The following RUNX2 variants were observed in gnomAD, a reference collection of about 807,000 sequenced individuals.
RUNX2 encodes RUNX family transcription factor 2.
RUNX2 carries 10 observed loss-of-function variants against 51.7 expected under a neutral mutation model. The observed-to-expected ratio is 0.19, with a 90% CI of 0.12 to 0.33. RUNX2 has a LOEUF of 0.33. RUNX2 is among the 10% of genes least tolerant of loss of function. The pLI is 1.00. For synonymous variants in RUNX2, 276 were observed against 273.6 expected, an observed-to-expected ratio of 1.01 and a Z score of -0.09; for missense variants, 562 against 691.3, an observed-to-expected ratio of 0.81 and a Z score of 2.10.
intron 5 of RUNX2, among the ~76,000 whole-genome samples, chr6:45,474,373 A>ATGTGTG (rs56719456): frequency 2.5e-4 from 38 of 149,520 alleles, no homozygotes; most frequent in East Asian, 9.9e-4. Context: ...TGTTTTATAT[A>ATGTGTG]TGTGTGTGTG....
intron 2 of RUNX2, among the ~76,000 whole-genome samples, chr6:45,366,696 G>A (rs976279615): frequency 6.6e-6 from 1 of 152,064 alleles, no homozygotes; most frequent in Non-Finnish European, 1.5e-5. Context: ...TTCTTTATAA[G>A]TTGAGTTTTC....
chr6:45,444,494 A>G (rs138458464), intron 5 of RUNX2, among the ~76,000 whole-genome samples: 3 of 152,282 alleles, frequency 2.0e-5, no homozygotes, highest in East Asian at 3.9e-4. Flanking sequence ...GTGTAGCTTC[A>G]GTAAGGGTCT....
At position 45,531,369 on chromosome 6, in the gene RUNX2, C is replaced by T. The variant is rs532147844; in HGVS notation, c.1022-13848C>T. ...AAAGTAAAATGGACCAAATCCCTAACAAGAAATAATAGTGGAAAAATCTAC... is the reference window on the plus strand; with the variant it reads ...AAAGTAAAATGGACCAAATCCCTAATAAGAAATAATAGTGGAAAAATCTAC... On this transcript the variant is annotated intron_variant, in intron 7 of 8. Transcript: ENST00000647337. Among the ~76,000 whole-genome samples the T allele has an allele frequency of 4.6e-5, 7 of 152,252 alleles. No individual in the cohort carries two copies. In the South Asian group the frequency reaches 1.4e-3, roughly 32 times the overall value.
At chr6:45,413,926 C>A (rs992352894) in intron 2 of RUNX2, among the ~76,000 whole-genome samples, 3 of 151,938 alleles carry the variant, frequency 2.0e-5, no homozygotes, top group African/African-American at 7.3e-5. Flanking sequence ...GCCTTAGGGG[C>A]AAAACTTAAG....
chr6:45,328,405 T>A lies in RUNX2; in HGVS notation c.-122T>A, dbSNP rs1393578775. 1 of 1,418,280 alleles carries A rather than the reference T, an allele frequency of 7.1e-7. No individual in the cohort carries two copies. Among genetic ancestry groups the A allele is most frequent in the Admixed American group, 1.9e-5 (1 of 53,758 alleles). The allele number at this position is 1,418,280 out of a possible 1,614,324, so 87.9% of individuals were successfully genotyped here. On this transcript the variant is annotated 5_prime_UTR_variant, in exon 1 of 9. Transcript: ENST00000647337. ...CAGGAGGACAGCAAGAAGTCTCTGG[T>A]TTTTAAATGGTTAATCTCCGCAGGT... is the stretch of plus-strand genomic sequence containing the variant.
intron 5 of RUNX2, among the ~76,000 whole-genome samples, chr6:45,478,392 G>A (rs1209366822): frequency 6.6e-6 from 1 of 152,176 alleles, no homozygotes; most frequent in African/African-American, 2.4e-5. Flanking sequence ...ACATCCCTGT[G>A]TTGTAGATAC....
chr6:45,452,006 G>T (rs974201646), intron 5 of RUNX2, among the ~76,000 whole-genome samples: 4 of 152,194 alleles, frequency 2.6e-5, no homozygotes, highest in Non-Finnish European at 4.4e-5. Context: ...AAGAGAAACA[G>T]ATCTGCCATA....
At chr6:45,423,197 T>C (rs1463236607) in intron 3 of RUNX2, among the ~76,000 whole-genome samples, 1 of 152,078 alleles carries the variant, frequency 6.6e-6, no homozygotes, top group East Asian at 1.9e-4. Context: ...ACTTCAGCCC[T>C]AGTCCCCCTG....
intron 2 of RUNX2, among the ~76,000 whole-genome samples, chr6:45,335,889 A>G (rs1788447803): frequency 6.6e-6 from 1 of 151,336 alleles, no homozygotes; most frequent in African/African-American, 2.4e-5. Context: ...CAAAATGCAG[A>G]AAAACTTGCT....
At chr6:45,498,364 T>A (rs541470401) in intron 6 of RUNX2, among the ~76,000 whole-genome samples, 1 of 152,314 alleles carries the variant, frequency 6.6e-6, no homozygotes, top group East Asian at 1.9e-4. Context: ...AGTTCCTGAT[T>A]CTTAGCAAGC....
intron 7 of RUNX2, among the ~76,000 whole-genome samples, chr6:45,538,243 G>T (rs187376746): frequency 9.9e-5 from 15 of 152,208 alleles, no homozygotes; most frequent in Non-Finnish European, 1.8e-4. Flanking sequence ...GATTTACTTA[G>T]GAACAATTTA....
Position 45,488,937 on chromosome 6 carries a change from G to T in RUNX2, c.686-3004G>T, listed in dbSNP as rs190313647. 1.2e-3 allele frequency among the ~76,000 whole-genome samples: 182 copies of T among 152,292 alleles called. 3 individuals carry two copies. Among genetic ancestry groups the T allele is most frequent in the Non-Finnish European group, 2.2e-3 (151 of 68,030 alleles). On this transcript the variant is annotated intron_variant, in intron 5 of 8. Transcript: ENST00000647337. ...CATGTTCTTAATTTCTGAAGGAATT[G>T]CTTGGGTGCTGGGGATTTAAGTACA...
At chr6:45,330,818 T>C (rs1169498167) in intron 2 of RUNX2, among the ~76,000 whole-genome samples, 2 of 151,826 alleles carry the variant, frequency 1.3e-5, no homozygotes, top group Admixed American at 1.3e-4. Context: ...GAAGCCTGAA[T>C]AGAGAACTTA....
chr6:45,441,073 G>A (rs1206366202), intron 5 of RUNX2, among the ~76,000 whole-genome samples: 1 of 152,142 alleles, frequency 6.6e-6, no homozygotes, highest in African/African-American at 2.4e-5. Context: ...GTTGGGGCAG[G>A]GGGAGTGGAA....
At chr6:45,371,939 A>G (rs1457214657) in intron 2 of RUNX2, 1 of 787,114 alleles carries the variant, frequency 1.3e-6, no homozygotes, top group East Asian at 1.3e-4. Context: ...AGGACACACT[A>G]CTATTTAGTG....
chr6:45,550,612 G>C lies in RUNX2; in HGVS notation c.*3307G>C, dbSNP rs1452688205. The stretch of plus-strand genomic sequence containing the variant: ...AATTTGTTGTTTTTAGAAAACGAAT[G>C]CATTTAAAAATATTTTCTATGTGAG... On this transcript the variant is annotated 3_prime_UTR_variant, in exon 9 of 9. Coordinates refer to ENST00000647337, the MANE Select transcript of RUNX2 (RefSeq NM_001024630.4). 2 of 152,612 alleles carry C rather than the reference G, an allele frequency of 1.3e-5. No individual in the cohort carries two copies. The highest frequency in any genetic ancestry group is 3.8e-4 in the East Asian group (2 of 5,200). The allele number at this position is 152,612 out of a possible 1,614,324, so 9.5% of individuals were successfully genotyped here.
intron 2 of RUNX2, among the ~76,000 whole-genome samples, chr6:45,370,250 C>T (rs967024608): frequency 3.3e-5 from 5 of 152,118 alleles, no homozygotes; most frequent in Non-Finnish European, 5.9e-5. Context: ...TTCTGGAATA[C>T]ATTTTGAAAG....
intron 7 of RUNX2, among the ~76,000 whole-genome samples, chr6:45,518,866 C>T (rs554225404): frequency 3.3e-5 from 5 of 152,210 alleles, no homozygotes; most frequent in African/African-American, 4.8e-5. Flanking sequence ...AATTTTCTAA[C>T]GATAGATACA....
intron 5 of RUNX2, among the ~76,000 whole-genome samples, chr6:45,491,359 C>T (rs904750663): frequency 3.3e-5 from 5 of 152,290 alleles, no homozygotes; most frequent in Admixed American, 2.6e-4. Flanking sequence ...TCCCTGCTTA[C>T]ATTTCTGTTT....
Sources: allele counts gnomAD v4.1 joint callset (sites outside exome capture counted in the v4.1 genomes callset), GRCh38; gene constraint gnomAD v4.1.1; transcripts MANE v1.5; gene names NCBI Gene and HGNC (gene_info 2026-07-23, HGNC 2026-07-21).